The following FHIT variants were observed in gnomAD, a reference collection of about 807,000 sequenced individuals.
FHIT encodes the protein fragile histidine triad diadenosine triphosphatase.
In FHIT, 19 loss-of-function variants were observed where a neutral mutation model predicts 17.9. The ratio of observed to expected loss-of-function variants is 1.06; its 90% CI spans 0.74 to 1.56. The LOEUF is 1.56. FHIT is among the 40% of genes most tolerant of loss of function. The pLI, the probability that FHIT is intolerant of heterozygous loss-of-function variation, is 0.00. For synonymous variants in FHIT, 81 were observed against 69.7 expected, an observed-to-expected ratio of 1.16 and a Z score of -0.81; for missense variants, 248 against 189.2, an observed-to-expected ratio of 1.31 and a Z score of -1.82.
At chr3:60,123,987 T>TATATATATATATA (rs1705388338) in intron 5 of FHIT, among the ~76,000 whole-genome samples, 1 of 52,244 alleles carries the variant, frequency 1.9e-5, no homozygotes, top group African/African-American at 8.0e-5. Flanking sequence ...TATATATATA[T>TATATATATATATA]ATATATATAT....
At chr3:60,588,118 C>T (rs186013100) in intron 4 of FHIT, among the ~76,000 whole-genome samples, 3 of 151,992 alleles carry the variant, frequency 2.0e-5, no homozygotes, top group Non-Finnish European at 4.4e-5. Flanking sequence ...CCATCATTCA[C>T]GTGGACCAAG....
intron 5 of FHIT, among the ~76,000 whole-genome samples, chr3:60,491,367 A>T (rs2034058041): frequency 6.6e-6 from 1 of 151,952 alleles, no homozygotes; most frequent in Non-Finnish European, 1.5e-5. Context: ...AACCAACCTT[A>T]TAATGTTTCA....
chr3:61,203,514 C>T (rs929924867), intron 1 of FHIT, among the ~76,000 whole-genome samples: 58 of 151,784 alleles, frequency 3.8e-4, no homozygotes, highest in Non-Finnish European at 7.6e-4. Context: ...CTTGAATAAG[C>T]GGGAATTTAT....
chr3:60,922,284 C>T (rs1707325928), intron 3 of FHIT, among the ~76,000 whole-genome samples: 1 of 152,190 alleles, frequency 6.6e-6, no homozygotes, highest in African/African-American at 2.4e-5. Flanking sequence ...TTACCTTCAT[C>T]TCCCCATGCG....
chr3:60,803,651 G>A (rs1253024485), intron 4 of FHIT, among the ~76,000 whole-genome samples: 6 of 152,124 alleles, frequency 3.9e-5, no homozygotes, highest in African/African-American at 1.2e-4. Flanking sequence ...GGGGAGCAGC[G>A]GGGATATCAT....
chr3:60,705,072 G>A (rs572399955), intron 4 of FHIT, among the ~76,000 whole-genome samples: 153 of 150,822 alleles, frequency 1.0e-3, no homozygotes, highest in Admixed American at 2.9e-3. Flanking sequence ...AAAAGTTTAA[G>A]GTACTACACA....
chr3:61,147,488 T>C (rs17064507), intron 2 of FHIT, among the ~76,000 whole-genome samples: 34,891 of 151,858 alleles, frequency 0.23, 4,469 homozygotes, highest in East Asian at 0.41. Flanking sequence ...GCAAGGAATC[T>C]TGGGATCCAA....
chr3:60,922,940 T>C (rs782601087), intron 3 of FHIT, among the ~76,000 whole-genome samples: 3 of 152,240 alleles, frequency 2.0e-5, no homozygotes, highest in Admixed American at 1.3e-4. Context: ...AAGTTAAACT[T>C]TGAATAACAC....
chr3:60,918,123 G>A (rs1707098611), intron 3 of FHIT, among the ~76,000 whole-genome samples: 1 of 152,194 alleles, frequency 6.6e-6, no homozygotes, highest in Non-Finnish European at 1.5e-5. Flanking sequence ...GAGTTCCCCT[G>A]CGCAAGCTCT....
chr3:60,812,175 CTTTT>C (rs34243612), intron 4 of FHIT, among the ~76,000 whole-genome samples: 4 of 137,074 alleles, frequency 2.9e-5, no homozygotes, highest in Admixed American at 7.4e-5. Context: ...AATACAGACT[CTTTT>C]TTTTTTTTTT....
chr3:60,465,786 AC>A (rs1259051153), intron 5 of FHIT, among the ~76,000 whole-genome samples: 2 of 152,120 alleles, frequency 1.3e-5, no homozygotes, highest in African/African-American at 4.8e-5. Context: ...TGTTTTGGTT[AC>A]TATATCTCTG....
intron 4 of FHIT, among the ~76,000 whole-genome samples, chr3:60,784,045 GCCCATCAGT>G (rs2108102622): frequency 6.6e-6 from 1 of 152,256 alleles, no homozygotes; most frequent in South Asian, 2.1e-4. Flanking sequence ...GTCGTGAACT[GCCCATCAGT>G]CCCAGTGGTT....
At chr3:61,032,383 A>C (rs1247259171) in intron 3 of FHIT, among the ~76,000 whole-genome samples, 1 of 152,186 alleles carries the variant, frequency 6.6e-6, no homozygotes, top group Non-Finnish European at 1.5e-5. Flanking sequence ...GTACTACCAG[A>C]AGGTGAATCT....
At chr3:60,502,212 C>A (rs1463100693) in intron 5 of FHIT, among the ~76,000 whole-genome samples, 1 of 152,156 alleles carries the variant, frequency 6.6e-6, no homozygotes, top group Non-Finnish European at 1.5e-5. Flanking sequence ...AAGAGTAAAG[C>A]AAGAACTATG....
intron 7 of FHIT, among the ~76,000 whole-genome samples, chr3:59,996,064 G>A (rs1213861769): frequency 6.6e-6 from 1 of 152,018 alleles, no homozygotes; most frequent in Non-Finnish European, 1.5e-5. Context: ...ATTGAAGTGG[G>A]CATGTAGTAG....
At chr3:60,343,056 A>G (rs1300327065) in intron 5 of FHIT, among the ~76,000 whole-genome samples, 1 of 152,170 alleles carries the variant, frequency 6.6e-6, no homozygotes. Context: ...GTTACACCCC[A>G]GGGATCTTCT....
intron 5 of FHIT, among the ~76,000 whole-genome samples, chr3:60,086,909 C>T (rs1273085680): frequency 6.6e-6 from 1 of 152,160 alleles, no homozygotes; most frequent in Non-Finnish European, 1.5e-5. Context: ...AGCTCCACTT[C>T]CATAGCTCCA....
chr3:60,493,952 A>G (rs188671396), intron 5 of FHIT, among the ~76,000 whole-genome samples: 1 of 152,230 alleles, frequency 6.6e-6, no homozygotes, highest in Admixed American at 6.5e-5. Context: ...GAATTGAGAC[A>G]TGCTTTGTAG....
intron 7 of FHIT, among the ~76,000 whole-genome samples, chr3:59,929,230 T>C (rs1269976367): frequency 6.6e-6 from 1 of 151,980 alleles, no homozygotes; most frequent in African/African-American, 2.4e-5. Context: ...TTGATATTTT[T>C]AATGCATAGT....
Sources: gnomAD v4.1 joint callset for allele counts (sites outside exome capture counted in the v4.1 genomes callset) on GRCh38, gnomAD v4.1.1 for gene constraint, MANE v1.5 for transcripts, NCBI Gene and HGNC (gene_info 2026-07-23, HGNC 2026-07-21) for gene names.